Variants in PKD1L1 observed in about 807,000 individuals in gnomAD.
The protein encoded by PKD1L1 is polycystin 1 like 1, transient receptor potential channel interacting.
Under a neutral mutation model 323.4 loss-of-function variants are expected in PKD1L1, and 236 were observed. The ratio of observed to expected loss-of-function variants is 0.73; its 90% CI spans 0.66 to 0.81. The LOEUF is 0.81. Among genes scored for constraint, PKD1L1 ranks in the 40% least tolerant of loss-of-function variants. PKD1L1 has a pLI of 0.00. For synonymous variants in PKD1L1, 1,344 were observed against 1,335.0 expected, an observed-to-expected ratio of 1.01 and a Z score of -0.15; for missense variants, 3,320 against 3,508.0, an observed-to-expected ratio of 0.95 and a Z score of 1.35.
At chr7:47,890,041 T>C (rs1786775477) in intron 16 of PKD1L1, among the ~76,000 whole-genome samples, 1 of 152,254 alleles carries the variant, frequency 6.6e-6, no homozygotes, top group Non-Finnish European at 1.5e-5. Context: ...GCCTCAGCGC[T>C]ACAGGGGTTC....
chr7:47,897,944 A>G (rs753460295), intron 14 of PKD1L1, 44 bp downstream of exon 14: 13 of 1,467,378 alleles, frequency 8.9e-6, no homozygotes, highest in Admixed American at 2.2e-5. Context: ...GATGAGAAGC[A>G]TGGGTTTCAT....
chr7:47,868,426 G>T (rs1241937478), intron 24 of PKD1L1, among the ~76,000 whole-genome samples: 1 of 151,460 alleles, frequency 6.6e-6, no homozygotes, highest in Non-Finnish European at 1.5e-5. Flanking sequence ...TAAGGGAGGT[G>T]GAAATAAAAC....
In PKD1L1 at chr7:47,827,446, G is replaced by A. The variant is rs1344951213; in HGVS notation, c.6758C>T (p.Ala2253Val). 1 of 1,610,454 alleles carries A rather than the reference G, an allele frequency of 6.2e-7. No individual in the cohort carries two copies. Among genetic ancestry groups the A allele is most frequent in the Non-Finnish European group, 8.5e-7 (1 of 1,179,274 alleles). Residue 2253 changes from alanine (A) to valine (V), a missense_variant, in exon 45 of 57, where the codon GCT becomes GTT. By Grantham distance (64) the Ala-to-Val change is moderately conservative. Coordinates refer to ENST00000289672, the MANE Select transcript of PKD1L1 (RefSeq NM_138295.5). ...VEKVLAARQQ[A>V]RHLRWAHPPS... ...TGGATGCGCCCAGCGCAGGTGGCGA[G>A]CTTGTTGTCGGGCAGCCAAGACCTG...
rs1327041252 is a variant in PKD1L1 at position 47,825,572 on chromosome 7, A to T, written c.6854+1778T>A. 2.7e-5 allele frequency among the ~76,000 whole-genome samples: 4 copies of T among 150,888 alleles called. No homozygotes were observed. The East Asian group carries it at 5.8e-4, about 22-fold the overall frequency. On this transcript the variant is annotated intron_variant, in intron 45 of 56. Transcript: ENST00000289672. Reference sequence around the variant, plus strand: ...AGAATATTAAAACTTTGTTACAAGTATTTTTTCCTAGTTTGTCACTGCCAT... The same window carrying T: ...AGAATATTAAAACTTTGTTACAAGTTTTTTTTCCTAGTTTGTCACTGCCAT...
intron 56 of PKD1L1, among the ~76,000 whole-genome samples, chr7:47,776,835 T>A (rs776546331): frequency 1.3e-5 from 2 of 152,050 alleles, no homozygotes; most frequent in Non-Finnish European, 2.9e-5. Flanking sequence ...GGTAGGGAGG[T>A]GTTGAGACCT....
intron 23 of PKD1L1, 126 bp downstream of exon 23, chr7:47,875,971 G>T: frequency 1.0e-6 from 1 of 991,564 alleles, no homozygotes; most frequent in Non-Finnish European, 1.4e-6. Flanking sequence ...AACCTAAACT[G>T]AAAAGCATTA....
At chr7:47,887,672 G>A (rs766267686) in intron 17 of PKD1L1, among the ~76,000 whole-genome samples, 6 of 152,234 alleles carry the variant, frequency 3.9e-5, no homozygotes, top group Non-Finnish European at 7.3e-5. Context: ...AGCCCTCTGG[G>A]CAGTGTGTCA....
intron 7 of PKD1L1, among the ~76,000 whole-genome samples, chr7:47,927,939 G>T (rs557960834): frequency 6.6e-6 from 1 of 152,186 alleles, no homozygotes; most frequent in Non-Finnish European, 1.5e-5. Context: ...GCAATAAAAA[G>T]AAAGAGCTGA....
chr7:47,940,093 C>A (rs1787952538), intron 3 of PKD1L1, 100 bp downstream of exon 3: 1 of 1,463,938 alleles, frequency 6.8e-7, no homozygotes, highest in East Asian at 2.3e-5. Flanking sequence ...GAAAACAATC[C>A]CTGATGAATT....
At chr7:47,951,085 T>C (rs945200318), upstream of PKD1L1, among the ~76,000 whole-genome samples, 1 of 152,202 alleles carries the variant, frequency 6.6e-6, no homozygotes, top group African/African-American at 2.4e-5. Context: ...CTGGAAAACG[T>C]CGAGTTTTGA....
At chr7:47,916,248 C>CA (rs1166317369) in intron 7 of PKD1L1, among the ~76,000 whole-genome samples, 1 of 152,180 alleles carries the variant, frequency 6.6e-6, no homozygotes, top group Non-Finnish European at 1.5e-5. Flanking sequence ...GACTATTTTT[C>CA]AACTGCATTT....
At chr7:47,783,581 G>C (rs148181890) in intron 56 of PKD1L1, among the ~76,000 whole-genome samples, 1 of 152,112 alleles carries the variant, frequency 6.6e-6, no homozygotes, top group African/African-American at 2.4e-5. Flanking sequence ...AATTAGGGTC[G>C]GTCCTAATCC....
At chr7:47,916,621 T>A (rs1787433847) in intron 7 of PKD1L1, among the ~76,000 whole-genome samples, 1 of 152,208 alleles carries the variant, frequency 6.6e-6, no homozygotes, top group Non-Finnish European at 1.5e-5. Context: ...TATACTTGGC[T>A]GAGAGACTCA....
Position 47,829,551 on chromosome 7 carries a change from G to A in PKD1L1, c.6609C>T (p.His2203=), listed in dbSNP as rs1487360774. ...GFAWKRRADN[H]FFTESLCEAT... The stretch of plus-strand genomic sequence containing the variant: ...CCTCACATAAAGACTCAGTAAAAAA[G>A]TGGTTGTCAGCTCTTCTTTTCCAAG... The change falls in exon 44 of 57, where the codon CAC becomes CAT. Residue 2203 remains histidine, a synonymous_variant. Transcript: ENST00000289672. The A allele has an allele frequency of 1.2e-6, 2 of 1,613,638 alleles. No homozygotes were observed. Among genetic ancestry groups the A allele is most frequent in the Admixed American group, 1.7e-5 (1 of 59,860 alleles).
chr7:47,880,321 G>A (rs1444150645), intron 21 of PKD1L1, among the ~76,000 whole-genome samples: 4 of 105,694 alleles, frequency 3.8e-5, no homozygotes, highest in South Asian at 3.0e-4. Context: ...TTGCTCTGTC[G>A]CCCAGGCTGG....
chr7:47,947,180 G>A (rs1031855025), intron 1 of PKD1L1, among the ~76,000 whole-genome samples: 12 of 152,190 alleles, frequency 7.9e-5, no homozygotes, highest in African/African-American at 2.7e-4. Flanking sequence ...GACCAACCCC[G>A]TCAACACGTG....
At chr7:47,934,031 T>C (rs986685466) in intron 4 of PKD1L1, among the ~76,000 whole-genome samples, 2 of 152,232 alleles carry the variant, frequency 1.3e-5, no homozygotes, top group African/African-American at 4.8e-5. Flanking sequence ...CCCTTTCTCC[T>C]ATCTCTTTTT....
In PKD1L1 at chr7:47,834,362, G is replaced by T; in HGVS notation, c.6151C>A (p.Pro2051Thr). 1 of 1,613,964 alleles carries T rather than the reference G, an allele frequency of 6.2e-7. No homozygotes were observed. Among genetic ancestry groups the T allele is most frequent in the Non-Finnish European group, 8.5e-7 (1 of 1,179,868 alleles). The change falls in exon 40 of 57, where the codon CCA becomes ACA. Residue 2051 changes from proline to threonine, a missense_variant. Coordinates refer to ENST00000289672, the MANE Select transcript of PKD1L1 (RefSeq NM_138295.5). Reference protein sequence around the residue: ...PHGPNSWGRIPDAQEPRKQPA... With the variant: ...PHGPNSWGRITDAQEPRKQPA... Reference sequence around the variant, plus strand: ...ACCTTGCGTGGCTCCTGTGCGTCTGGTATCCTTCCCCAGGAATTAGGACCT... The same window carrying T: ...ACCTTGCGTGGCTCCTGTGCGTCTGTTATCCTTCCCCAGGAATTAGGACCT...
rs760530059 is a variant in PKD1L1 at position 47,843,103 on chromosome 7, G to A, written c.5304C>T (p.Val1768=). 2.9e-5 allele frequency: 46 copies of A among 1,613,436 alleles called. No individual in the cohort carries two copies. The highest frequency in any genetic ancestry group is 6.7e-5 in the Admixed American group (4 of 59,930). The change falls in exon 34 of 57, where the codon GTC becomes GTT. Residue 1768 remains valine, a synonymous_variant. Transcript: ENST00000289672. ...GATGATCTACTTGTCTACTTTTAGC[G>A]ACCAAAAATCCATAAAGAATCACAG... ...MGSVILYGFL[V]AKSRQVDHHE...
Sources: gnomAD v4.1 joint callset for allele counts (sites outside exome capture counted in the v4.1 genomes callset) on GRCh38, gnomAD v4.1.1 for gene constraint, MANE v1.5 for transcripts, NCBI Gene and HGNC (gene_info 2026-07-23, HGNC 2026-07-21) for gene names.